The following TM4SF20 variants were observed in gnomAD, a reference collection of about 807,000 sequenced individuals.
TM4SF20 encodes transmembrane 4 L6 family member 20.
A neutral mutation model predicts 15.1 loss-of-function variants in TM4SF20; 13 were observed. That is an observed-to-expected ratio of 0.86 (90% CI 0.56 to 1.36). The LOEUF (loss-of-function observed/expected upper bound fraction) is 1.36, where lower values mean the gene tolerates loss of function less well. TM4SF20 is among the 40% of genes most tolerant of loss of function. TM4SF20 has a pLI of 0.00. For missense variants in TM4SF20, 282 were observed against 268.4 expected (o/e 1.05, Z -0.35); for synonymous variants, 92 against 96.6 (o/e 0.95, Z 0.28).
chr2:227,368,373 C>T (rs1276466825), intron 2 of TM4SF20, among the ~76,000 whole-genome samples: 2 of 127,280 alleles, frequency 1.6e-5, no homozygotes, highest in East Asian at 2.2e-4. Context: ...GTTTTTGAGA[C>T]GGAGCCTTTC....
chr2:227,371,542 T>C (rs1560005557), intron 1 of TM4SF20, among the ~76,000 whole-genome samples: 1 of 152,166 alleles, frequency 6.6e-6, no homozygotes. Context: ...AAGATCTCAC[T>C]CTGTTGCCCA....
chr2:227,378,627 G>A (rs1323340243), intron 1 of TM4SF20, among the ~76,000 whole-genome samples: 1 of 152,154 alleles, frequency 6.6e-6, no homozygotes, highest in Non-Finnish European at 1.5e-5. Context: ...CAGCATTCAT[G>A]CCTCGTAATT....
chr2:227,366,148 A>G lies in TM4SF20; in HGVS notation c.346T>C (p.Cys116Arg). The change falls in exon 3 of 4, where the codon TGT becomes CGT. Residue 116 changes from cysteine to arginine, a missense_variant. By Grantham distance (180) the Cys-to-Arg change is radical. Transcript: ENST00000304568. Reference protein sequence around the residue: ...IQALLKGPLMCNSPSNSNANC... With the variant: ...IQALLKGPLMRNSPSNSNANC... ...GCATTACTGTTGCTTGGAGAATTACACATGAGAGGACCTTTTAAGAGAGCC... is the reference window on the plus strand; with the variant it reads ...GCATTACTGTTGCTTGGAGAATTACGCATGAGAGGACCTTTTAAGAGAGCC... 6.2e-7 allele frequency: 1 copy of G among 1,614,142 alleles called. No homozygotes were observed. Among genetic ancestry groups the G allele is most frequent in the East Asian group, 2.2e-5 (1 of 44,874 alleles).
intron 2 of TM4SF20, among the ~76,000 whole-genome samples, chr2:227,368,355 A>ATATATATATATATATC (rs397988096): frequency 7.6e-6 from 1 of 132,068 alleles, no homozygotes; most frequent in Non-Finnish European, 1.6e-5. Context: ...ATATATATAT[A>ATATATATATATATATC]ATTTTTTGTT....
intron 2 of TM4SF20, among the ~76,000 whole-genome samples, chr2:227,368,656 G>A (rs182749040): frequency 6.6e-4 from 101 of 152,148 alleles, no homozygotes; most frequent in South Asian, 1.5e-3. Context: ...GTGAGCCACC[G>A]CACCCAGCCA....
At chr2:227,373,946 A>AAAAAAAAAAAAAAG (rs2076434075) in intron 1 of TM4SF20, among the ~76,000 whole-genome samples, 1 of 144,812 alleles carries the variant, frequency 6.9e-6, no homozygotes, top group Non-Finnish European at 1.5e-5. Context: ...AAAAAAAAAA[A>AAAAAAAAAAAAAAG]TATGTGGAAG....
At chr2:227,369,256 T>C (rs373273588) in intron 2 of TM4SF20, among the ~76,000 whole-genome samples, 23 of 152,202 alleles carry the variant, frequency 1.5e-4, no homozygotes, top group African/African-American at 5.5e-4. Context: ...AAAATATGAA[T>C]CTTCCATTAT....
chr2:227,368,655 C>G (rs774161780), intron 2 of TM4SF20, among the ~76,000 whole-genome samples: 2 of 152,236 alleles, frequency 1.3e-5, no homozygotes, highest in Admixed American at 1.3e-4. Context: ...CGTGAGCCAC[C>G]GCACCCAGCC....
chr2:227,372,515 A>C (rs2076426022), intron 1 of TM4SF20, among the ~76,000 whole-genome samples: 1 of 152,080 alleles, frequency 6.6e-6, no homozygotes, highest in Non-Finnish European at 1.5e-5. Context: ...GAGGTGGTGC[A>C]CACCTGTAGC....
At chr2:227,371,987 A>G (rs1017116582) in intron 1 of TM4SF20, among the ~76,000 whole-genome samples, 1 of 152,218 alleles carries the variant, frequency 6.6e-6, no homozygotes, top group East Asian at 1.9e-4. Context: ...TAGTATATCT[A>G]GGCAGCAGCT....
intron 3 of TM4SF20, among the ~76,000 whole-genome samples, chr2:227,365,794 T>G (rs2076389783): frequency 3.3e-5 from 5 of 152,248 alleles, no homozygotes; most frequent in Admixed American, 3.3e-4. Flanking sequence ...GCATAATTTT[T>G]TAATATACAT....
chr2:227,364,118 A>G (rs1376939712), intron 3 of TM4SF20, 106 bp from the exon 4 acceptor site: 1 of 1,169,922 alleles, frequency 8.5e-7, no homozygotes, highest in African/African-American at 1.6e-5. Flanking sequence ...CTTTTGAAAT[A>G]TCGTGCCCAG....
chr2:227,369,102 A>G (rs2076407954), intron 2 of TM4SF20, among the ~76,000 whole-genome samples: 1 of 152,250 alleles, frequency 6.6e-6, no homozygotes, highest in African/African-American at 2.4e-5. Flanking sequence ...ATCGTTTACA[A>G]AGAAAAGTGA....
chr2:227,362,302 G>A lies in TM4SF20; in HGVS notation c.*1422C>T, dbSNP rs2076365740. On this transcript the variant is annotated 3_prime_UTR_variant, in exon 4 of 4. Coordinates refer to ENST00000304568, the MANE Select transcript of TM4SF20 (RefSeq NM_024795.4). ...TATTGTTTTTTAATTAATGAATAAT[G>A]TAAACATAGGAAAATAGGAGGGTAT... The A allele has an allele frequency of 6.6e-6, 1 of 152,106 alleles. No homozygotes were observed. The highest frequency in any genetic ancestry group is 6.5e-5 in the Admixed American group (1 of 15,272). The allele number at this position is 152,106 out of a possible 1,614,324, so 9.4% of individuals were successfully genotyped here. A position where few individuals can be genotyped will look rare whatever the true frequency, so the allele number is the denominator to read the frequency against.
rs141874793 is a variant in TM4SF20 at position 227,373,427 on chromosome 2, AG to A, written c.184-2448del. ...GGAAAAGAAATTTTAGCTCCCAAAT[AG>A]GTATCAGTATTCGTGCACTAAACAT... On this transcript the variant is annotated intron_variant, in intron 1 of 3. Coordinates refer to ENST00000304568, the MANE Select transcript of TM4SF20 (RefSeq NM_024795.4). 1.3e-3 allele frequency among the ~76,000 whole-genome samples: 198 copies of A among 152,358 alleles called. 1 individual carries two copies. The highest frequency in any genetic ancestry group is 6.5e-3 in the Admixed American group (99 of 15,308).
upstream of TM4SF20, among the ~76,000 whole-genome samples, chr2:227,380,311 C>G (rs1463480565): frequency 1.3e-5 from 2 of 152,164 alleles, no homozygotes; most frequent in Non-Finnish European, 2.9e-5. Context: ...GCCTGGGCGA[C>G]AGAGGGAGAC....
chr2:227,374,997 G>A (rs7597475), intron 1 of TM4SF20, among the ~76,000 whole-genome samples: 7,489 of 151,156 alleles, frequency 0.05, 587 homozygotes, highest in African/African-American at 0.16. Flanking sequence ...GCACAATCTC[G>A]GCTCTCTGCA....
chr2:227,373,059 T>A (rs2076429122), intron 1 of TM4SF20, among the ~76,000 whole-genome samples: 1 of 152,100 alleles, frequency 6.6e-6, no homozygotes, highest in African/African-American at 2.4e-5. Context: ...CTTACAATTC[T>A]CCCCTATTCC....
chr2:227,369,401 T>C (rs78978321), intron 2 of TM4SF20, among the ~76,000 whole-genome samples: 17,424 of 149,692 alleles, frequency 0.12, 1,127 homozygotes, highest in Non-Finnish European at 0.15. Flanking sequence ...TAAATCTCTT[T>C]AGATAATTCT....
Sources: allele counts gnomAD v4.1 joint callset (sites outside exome capture counted in the v4.1 genomes callset), GRCh38; gene constraint gnomAD v4.1.1; transcripts MANE v1.5; gene names NCBI Gene and HGNC (gene_info 2026-07-23, HGNC 2026-07-21).